VOPP1: variants seen among roughly 807,000 people sequenced by gnomAD.
The protein encoded by VOPP1 is VOPP1 WW domain binding protein.
In VOPP1, 8 loss-of-function variants were observed where a neutral mutation model predicts 23.5. That is an observed-to-expected ratio of 0.34 (90% confidence interval 0.20 to 0.61). VOPP1 has a LOEUF of 0.61. VOPP1 is among the 20% of genes least tolerant of loss of function. The pLI is 0.78. For synonymous variants in VOPP1, 83 were observed against 97.3 expected (o/e 0.85, Z 0.86); for missense variants, 174 against 238.1 (o/e 0.73, Z 1.77).
intron 1 of VOPP1, among the ~76,000 whole-genome samples, chr7:55,533,495 C>T (rs1796607515): frequency 1.3e-5 from 2 of 152,176 alleles, no homozygotes; most frequent in South Asian, 2.1e-4. Context: ...CAGAGATGAC[C>T]GTGGTTGACT....
intron 4 of VOPP1, among the ~76,000 whole-genome samples, chr7:55,482,769 G>T (rs1792838368): frequency 6.6e-6 from 1 of 152,060 alleles, no homozygotes; most frequent in African/African-American, 2.4e-5. Context: ...TAAGACATTG[G>T]GGCCCTAATG....
intron 2 of VOPP1, among the ~76,000 whole-genome samples, chr7:55,518,481 G>A (rs192568522): frequency 5.4e-4 from 83 of 152,340 alleles, no homozygotes; most frequent in Admixed American, 3.4e-3. Flanking sequence ...CACTCGCCGC[G>A]TGGTGGTTTG....
chr7:55,473,556 G>A (rs529671186), intron 4 of VOPP1, among the ~76,000 whole-genome samples: 19 of 152,172 alleles, frequency 1.2e-4, no homozygotes, highest in South Asian at 4.1e-4. Context: ...GCTGATTGAC[G>A]CTCCATGGGT....
intron 1 of VOPP1, among the ~76,000 whole-genome samples, chr7:55,559,812 C>A (rs1797924241): frequency 6.6e-6 from 1 of 152,190 alleles, no homozygotes; most frequent in African/African-American, 2.4e-5. Flanking sequence ...CACTCCACTG[C>A]CCATGTCAGC....
intron 1 of VOPP1, among the ~76,000 whole-genome samples, chr7:55,549,044 C>A (rs1384548829): frequency 6.6e-6 from 1 of 152,142 alleles, no homozygotes; most frequent in African/African-American, 2.4e-5. Flanking sequence ...GAGATTTAAA[C>A]ACAGGGGAAA....
chr7:55,572,254 C>A lies in VOPP1; in HGVS notation c.54+17G>T, dbSNP rs368764616. 3 of 1,518,160 alleles carry A rather than the reference C, an allele frequency of 2.0e-6. No individual in the cohort carries two copies. The African/African-American group carries it at 4.3e-5, about 22-fold the overall frequency. The allele number at this position is 1,518,160 out of a possible 1,614,324, so 94.0% of individuals were successfully genotyped here. A position where few individuals can be genotyped will look rare whatever the true frequency, so the allele number is the denominator to read the frequency against. ...TGGGCGCCGCGCCTCCGGCAGCACC[C>A]GGTCCCCGGCCCCTACCTCCAAGAG... On this transcript the variant is annotated intron_variant, in intron 1 of 4. Coordinates refer to ENST00000285279, the MANE Select transcript of VOPP1 (RefSeq NM_030796.5).
intron 4 of VOPP1, among the ~76,000 whole-genome samples, chr7:55,482,778 T>A (rs933605409): frequency 6.6e-6 from 1 of 152,286 alleles, no homozygotes; most frequent in East Asian, 1.9e-4. Context: ...GGGGCCCTAA[T>A]GTCCCACAAG....
At chr7:55,495,907 C>A (rs114456147) in intron 3 of VOPP1, among the ~76,000 whole-genome samples, 4 of 152,352 alleles carry the variant, frequency 2.6e-5, no homozygotes, top group African/African-American at 9.6e-5. Flanking sequence ...GATCTTCCAA[C>A]AGCCTGACCT....
chr7:55,439,019 G>A (rs1229685709), intron 4 of VOPP1, among the ~76,000 whole-genome samples: 3 of 152,192 alleles, frequency 2.0e-5, no homozygotes, highest in African/African-American at 7.2e-5. Context: ...GGAGGGCCGG[G>A]CTGAGATGGA....
intron 4 of VOPP1, among the ~76,000 whole-genome samples, chr7:55,465,244 G>A (rs1021347682): frequency 6.6e-6 from 1 of 152,178 alleles, no homozygotes; most frequent in Non-Finnish European, 1.5e-5. Context: ...ACACTTCGAG[G>A]TTTGTTCTGG....
chr7:55,497,719 A>C, intron 2 of VOPP1, 29 bp from the exon 3 acceptor site: 1 of 1,609,002 alleles, frequency 6.2e-7, no homozygotes, highest in South Asian at 1.1e-5. Context: ...GCTGGTCAGC[A>C]CTGAATTGGA....
At chr7:55,552,868 T>C in intron 1 of VOPP1, 1 of 1,386,274 alleles carries the variant, frequency 7.2e-7, no homozygotes, top group East Asian at 2.7e-5. Context: ...CACAACAGGA[T>C]TTCCTCCTAG....
intron 1 of VOPP1, among the ~76,000 whole-genome samples, chr7:55,562,608 A>AG (rs1798025352): frequency 6.6e-6 from 1 of 152,200 alleles, no homozygotes; most frequent in Admixed American, 6.5e-5. Flanking sequence ...GAGCAGAGTG[A>AG]GGGGGTCAAC....
chr7:55,521,679 T>A, intron 1 of VOPP1: 1 of 987,250 alleles, frequency 1.0e-6, no homozygotes, highest in African/African-American at 1.7e-5. Flanking sequence ...TCTCCTGGGC[T>A]TTCCAGGTAA....
At chr7:55,512,735 T>C (rs1255523810) in intron 2 of VOPP1, among the ~76,000 whole-genome samples, 1 of 152,194 alleles carries the variant, frequency 6.6e-6, no homozygotes, top group Admixed American at 6.5e-5. Flanking sequence ...CTTCCACGCA[T>C]CCTGGAAGGC....
intron 1 of VOPP1, among the ~76,000 whole-genome samples, chr7:55,523,373 C>T (rs1008138588): frequency 6.6e-6 from 1 of 152,060 alleles, no homozygotes; most frequent in Non-Finnish European, 1.5e-5. Context: ...TTATTACATA[C>T]CAATACATTT....
intron 4 of VOPP1, among the ~76,000 whole-genome samples, chr7:55,457,362 A>G (rs922043084): frequency 1.3e-5 from 2 of 152,108 alleles, no homozygotes; most frequent in African/African-American, 4.8e-5. Flanking sequence ...TTCTTCATTC[A>G]TTCATTGATA....
chr7:55,539,899 G>GCACACACACACA (rs60831624), intron 1 of VOPP1, among the ~76,000 whole-genome samples: 166 of 139,326 alleles, frequency 1.2e-3, no homozygotes, highest in Middle Eastern at 3.6e-3. Flanking sequence ...CATAAGCGCT[G>GCACACACACACA]CACACACACA....
intron 1 of VOPP1, among the ~76,000 whole-genome samples, chr7:55,564,237 G>GTTTCTGTCTCTCTCTC (rs1798080451): frequency 3.5e-5 from 1 of 28,196 alleles, no homozygotes; most frequent in Non-Finnish European, 1.0e-4. Context: ...CTTTCTCTCT[G>GTTTCTGTCTCTCTCTC]TCTCTGTCTC....
Sources: allele counts gnomAD v4.1 joint callset (sites outside exome capture counted in the v4.1 genomes callset), GRCh38; gene constraint gnomAD v4.1.1; transcripts MANE v1.5; gene names NCBI Gene and HGNC (gene_info 2026-07-23, HGNC 2026-07-21).